The following ARHGAP12 variants were observed in gnomAD, a reference collection of about 807,000 sequenced individuals.
The protein encoded by ARHGAP12 is Rho GTPase activating protein 12.
Under a neutral mutation model 108.6 loss-of-function variants are expected in ARHGAP12, and 64 were observed. The observed-to-expected ratio is 0.59, with a 90% CI of 0.48 to 0.73. The LOEUF is 0.73. Among genes scored for constraint, ARHGAP12 ranks in the 30% least tolerant of loss-of-function variants. ARHGAP12 has a pLI of 0.00. For synonymous variants in ARHGAP12, 312 were observed against 337.2 expected, an observed-to-expected ratio of 0.93 and a Z score of 0.82; for missense variants, 940 against 1,005.9, an observed-to-expected ratio of 0.93 and a Z score of 0.89.
intron 4 of ARHGAP12, among the ~76,000 whole-genome samples, chr10:31,858,991 G>A (rs1013487912): frequency 7.0e-6 from 1 of 142,100 alleles, no homozygotes; most frequent in Non-Finnish European, 1.6e-5. Flanking sequence ...TGTGAAACTG[G>A]GGAGTGAAAG....
intron 3 of ARHGAP12, among the ~76,000 whole-genome samples, chr10:31,881,746 C>G (rs925960886): frequency 6.6e-6 from 1 of 152,108 alleles, no homozygotes; most frequent in South Asian, 2.1e-4. Flanking sequence ...CCAAATACTA[C>G]AAGTATTAGT....
intron 8 of ARHGAP12, 85 bp from the exon 9 acceptor site, chr10:31,839,404 A>T (rs1460472311): frequency 2.9e-6 from 4 of 1,380,970 alleles, no homozygotes; most frequent in Non-Finnish European, 4.0e-6. Flanking sequence ...TAAGTTCATC[A>T]CTTAAAAATA....
chr10:31,877,474 TCA>T (rs1256292125), intron 3 of ARHGAP12, among the ~76,000 whole-genome samples: 1 of 152,204 alleles, frequency 6.6e-6, no homozygotes, highest in Non-Finnish European at 1.5e-5. Flanking sequence ...GTCAAAAAGA[TCA>T]CACTCCTTCT....
At chr10:31,927,804 C>T (rs1840111807) in intron 1 of ARHGAP12, among the ~76,000 whole-genome samples, 2 of 152,172 alleles carry the variant, frequency 1.3e-5, no homozygotes, top group Non-Finnish European at 2.9e-5. Context: ...ACCGTGTGGC[C>T]ATTTCTTCTC....
In ARHGAP12 at chr10:31,808,734, G is replaced by A. The variant is rs750180294; in HGVS notation, c.2281C>T (p.Arg761Ter). 1.2e-6 allele frequency: 2 copies of A among 1,613,612 alleles called. No homozygotes were observed. The highest frequency in any genetic ancestry group is 1.1e-5 in the South Asian group (1 of 91,044). The change falls in exon 19 of 20, where the codon CGA becomes TGA. Residue 761 changes from arginine to a stop codon, truncating the protein, a stop_gained. Coordinates refer to ENST00000344936, the MANE Select transcript of ARHGAP12 (RefSeq NM_018287.7). LOFTEE classifies it high-confidence loss of function. ...ATTAGGTCCTTAACAGCAGCGACTC[G>A]CTGTCTTGGTTCTTGCTCTGAAAAA... ...VNAIKQEPRQ[R>*]VAAVKDLIRQ...
chr10:31,895,456 G>A (rs1186018446), intron 3 of ARHGAP12, among the ~76,000 whole-genome samples: 1 of 152,136 alleles, frequency 6.6e-6, no homozygotes, highest in East Asian at 1.9e-4. Flanking sequence ...CTTCTCAAAA[G>A]AAGACATTTA....
chr10:31,875,600 T>TA (rs1837700113), intron 3 of ARHGAP12, among the ~76,000 whole-genome samples: 1 of 152,234 alleles, frequency 6.6e-6, no homozygotes, highest in South Asian at 2.1e-4. Context: ...CAATTCATCC[T>TA]AAAGTTCCAC....
At chr10:31,926,642 A>G (rs1313373290) in intron 1 of ARHGAP12, among the ~76,000 whole-genome samples, 1 of 152,218 alleles carries the variant, frequency 6.6e-6, no homozygotes, top group Non-Finnish European at 1.5e-5. Flanking sequence ...TTTTTACTCC[A>G]TTTAAAAATT....
rs191606532 is a variant in ARHGAP12 at position 31,818,031 on chromosome 10, C to T, written c.1633-145G>A. On this transcript the variant is annotated intron_variant, in intron 12 of 19. Coordinates refer to ENST00000344936, the MANE Select transcript of ARHGAP12 (RefSeq NM_018287.7). ...ACAATGATGCAAGGTTAAAGGACTA[C>T]ACGGCTATGGAATACCTTTTTGGTT... 8.3e-6 allele frequency: 5 copies of T among 604,494 alleles called. No homozygotes were observed. The East Asian group carries it at 1.2e-4, about 15-fold the overall frequency. 37.4% of individuals were successfully genotyped at this position (604,494 alleles called of 1,614,324 possible). A position where few individuals can be genotyped will look rare whatever the true frequency, so the allele number is the denominator to read the frequency against.
At chr10:31,896,096 G>C (rs549443573) in intron 3 of ARHGAP12, among the ~76,000 whole-genome samples, 73 of 151,944 alleles carry the variant, frequency 4.8e-4, no homozygotes, top group Middle Eastern at 6.3e-3. Flanking sequence ...TTGTGGGGTG[G>C]GGGGAGCGGG....
Position 31,805,704 on chromosome 10 carries a change from C to T in ARHGAP12, c.*1954G>A, listed in dbSNP as rs958568208. 1 of 148,632 alleles carries T rather than the reference C, an allele frequency of 6.7e-6. No homozygotes were observed. Among genetic ancestry groups the T allele is most frequent in the Non-Finnish European group, 1.5e-5 (1 of 67,564 alleles). The allele number at this position is 148,632 out of a possible 1,614,324, so 9.2% of individuals were successfully genotyped here. On this transcript the variant is annotated 3_prime_UTR_variant, in exon 20 of 20. Transcript: ENST00000344936. ...CACACACGTACCTTGAAACAAGAAA[C>T]ACAGGACAATTTTAATCTTTGATAT... is the stretch of plus-strand genomic sequence containing the variant.
At chr10:31,926,312 A>G (rs763528597) in intron 1 of ARHGAP12, among the ~76,000 whole-genome samples, 13 of 150,856 alleles carry the variant, frequency 8.6e-5, no homozygotes, top group Non-Finnish European at 1.3e-4. Flanking sequence ...CCATATACCA[A>G]TGAGCCGGGG....
chr10:31,856,314 A>G (rs775969796), intron 4 of ARHGAP12, among the ~76,000 whole-genome samples: 1 of 152,154 alleles, frequency 6.6e-6, no homozygotes, highest in Non-Finnish European at 1.5e-5. Context: ...GCCAGACCCC[A>G]AACTAAAATG....
chr10:31,863,684 T>C (rs1837217369), intron 3 of ARHGAP12, among the ~76,000 whole-genome samples: 1 of 152,100 alleles, frequency 6.6e-6, no homozygotes, highest in Non-Finnish European at 1.5e-5. Context: ...ACATTAGAAA[T>C]CTAGCACTAC....
At chr10:31,893,891 T>A (rs914639681) in intron 3 of ARHGAP12, among the ~76,000 whole-genome samples, 3 of 152,188 alleles carry the variant, frequency 2.0e-5, no homozygotes, top group Non-Finnish European at 4.4e-5. Context: ...TCAAAAAGCT[T>A]ATCCACTACG....
At chr10:31,808,500 C>A in intron 19 of ARHGAP12, 149 bp downstream of exon 19, 2 of 636,326 alleles carry the variant, frequency 3.1e-6, no homozygotes, top group South Asian at 3.8e-5. Flanking sequence ...CAGACTGATA[C>A]TAAAAGGAGT....
chr10:31,885,427 A>G lies in ARHGAP12; in HGVS notation c.684+22745T>C, dbSNP rs938854830. Among the ~76,000 whole-genome samples, 6 of 152,040 alleles carry G rather than the reference A, an allele frequency of 3.9e-5. No individual in the cohort carries two copies. In the East Asian group the frequency reaches 1.2e-3, roughly 29 times the overall value. ...CAGTCAGAATAGCCTCTGGCTTTTT[A>G]TTTTTCTATCACCTCATTAAAAACC... On this transcript the variant is annotated intron_variant, in intron 3 of 19. Coordinates refer to ENST00000344936, the MANE Select transcript of ARHGAP12 (RefSeq NM_018287.7).
chr10:31,897,619 A>C (rs1004041783), intron 3 of ARHGAP12, among the ~76,000 whole-genome samples: 1 of 152,180 alleles, frequency 6.6e-6, no homozygotes, highest in African/African-American at 2.4e-5. Context: ...GGTACCTACA[A>C]CTACAGCGAA....
chr10:31,887,482 G>A (rs16932769), intron 3 of ARHGAP12, among the ~76,000 whole-genome samples: 7,818 of 152,066 alleles, frequency 0.051, 665 homozygotes, highest in African/African-American at 0.18. Flanking sequence ...ATACGAAATC[G>A]GTATTCCCTT....
Sources: gnomAD v4.1 joint callset for allele counts (sites outside exome capture counted in the v4.1 genomes callset) on GRCh38, gnomAD v4.1.1 for gene constraint, MANE v1.5 for transcripts, NCBI Gene and HGNC (gene_info 2026-07-23, HGNC 2026-07-21) for gene names.